The following LRP1B variants were observed in gnomAD, a reference collection of about 807,000 sequenced individuals.
LRP1B encodes low-density lipoprotein receptor-related protein 1B.
Under a neutral mutation model 556.6 loss-of-function variants are expected in LRP1B, and 217 were observed. That is an observed-to-expected ratio of 0.39 (90% CI 0.35 to 0.44). The LOEUF is 0.44. LRP1B is among the 20% of genes least tolerant of loss of function. The pLI, the probability that LRP1B is intolerant of heterozygous loss-of-function variation, is 1.00. For missense variants in LRP1B, 5,053 were observed against 5,620.8 expected (o/e 0.90, Z 3.23); for synonymous variants, 2,047 against 1,865.8 (o/e 1.10, Z -2.50).
At chr2:142,127,994 T>A (rs575131176) in intron 1 of LRP1B, among the ~76,000 whole-genome samples, 2 of 152,144 alleles carry the variant, frequency 1.3e-5, no homozygotes, top group African/African-American at 2.4e-5. Context: ...TTTTGGCTGT[T>A]AAGAGTTACA....
chr2:140,279,925 A>G (rs1682846534), intron 84 of LRP1B, among the ~76,000 whole-genome samples: 1 of 151,886 alleles, frequency 6.6e-6, no homozygotes, highest in Admixed American at 6.6e-5. Flanking sequence ...AGATAGATAC[A>G]TATTTTCTTA....
intron 7 of LRP1B, among the ~76,000 whole-genome samples, chr2:141,143,097 T>C (rs934458584): frequency 6.6e-6 from 1 of 151,772 alleles, no homozygotes; most frequent in South Asian, 2.1e-4. Flanking sequence ...CCTGGCTAAT[T>C]TTTTTGTATT....
intron 2 of LRP1B, among the ~76,000 whole-genome samples, chr2:141,496,931 C>T (rs1683530747): frequency 6.6e-6 from 1 of 151,984 alleles, no homozygotes; most frequent in South Asian, 2.1e-4. Flanking sequence ...CATGAAAGTA[C>T]AAATGATCTG....
intron 1 of LRP1B, among the ~76,000 whole-genome samples, chr2:142,018,787 C>CT (rs562470957): frequency 0.022 from 3,172 of 145,680 alleles, 105 homozygotes; most frequent in African/African-American, 0.071. Flanking sequence ...CTGACTTACG[C>CT]TTTTTTTTTT....
intron 1 of LRP1B, among the ~76,000 whole-genome samples, chr2:141,917,246 T>C (rs1700061845): frequency 6.6e-6 from 1 of 152,152 alleles, no homozygotes; most frequent in Admixed American, 6.5e-5. Context: ...TAGGGTAAAG[T>C]GATGAAATTC....
chr2:141,521,718 C>T (rs1009200050), intron 2 of LRP1B, among the ~76,000 whole-genome samples: 1 of 151,968 alleles, frequency 6.6e-6, no homozygotes, highest in Non-Finnish European at 1.5e-5. Flanking sequence ...AGAAAATTAA[C>T]ATTTAGTGAA....
intron 35 of LRP1B, among the ~76,000 whole-genome samples, chr2:140,764,183 G>A (rs1441938044): frequency 6.6e-6 from 1 of 152,068 alleles, no homozygotes; most frequent in Non-Finnish European, 1.5e-5. Flanking sequence ...AAAAGAGAGA[G>A]ACTCATTTGA....
At chr2:141,125,539 T>C (rs1386573799) in intron 7 of LRP1B, among the ~76,000 whole-genome samples, 1 of 152,144 alleles carries the variant, frequency 6.6e-6, no homozygotes, top group African/African-American at 2.4e-5. Context: ...TTTTACCAGG[T>C]AGCCAGAACA....
At chr2:140,468,983 T>C (rs1273396803) in intron 60 of LRP1B, among the ~76,000 whole-genome samples, 2 of 152,214 alleles carry the variant, frequency 1.3e-5, no homozygotes, top group Non-Finnish European at 2.9e-5. Flanking sequence ...GTTTCACTCA[T>C]ATCTGATTTA....
In LRP1B at chr2:140,303,788, CCTA is replaced by C. The variant is rs528885764; in HGVS notation, c.12806-5822_12806-5820del. On this transcript the variant is annotated intron_variant, in intron 83 of 90. Coordinates refer to ENST00000389484, the MANE Select transcript of LRP1B (RefSeq NM_018557.3). ...CTCGTCATTTACATTAGGTATATCT[CCTA>C]ATCCTATCCCTCCCCCCCTCCTCCC... 6.3e-5 allele frequency among the ~76,000 whole-genome samples: 9 copies of C among 143,800 alleles called. No individual in the cohort carries two copies. The East Asian group carries it at 1.8e-3, about 29-fold the overall frequency. The allele number at this position is 143,800 out of a possible 152,430, so 94.3% of individuals were successfully genotyped here.
At chr2:140,553,199 A>G (rs929147265) in intron 43 of LRP1B, among the ~76,000 whole-genome samples, 3 of 152,096 alleles carry the variant, frequency 2.0e-5, no homozygotes, top group Admixed American at 2.0e-4. Flanking sequence ...ACTGATTTCA[A>G]AGAAATGTGG....
At chr2:140,502,309 T>C (rs772780091) in intron 54 of LRP1B, among the ~76,000 whole-genome samples, 4 of 151,984 alleles carry the variant, frequency 2.6e-5, no homozygotes, top group Non-Finnish European at 5.9e-5. Context: ...AAATATAACA[T>C]TGACATTTTG....
chr2:140,426,534 A>T (rs1278914282), intron 66 of LRP1B, among the ~76,000 whole-genome samples: 2 of 152,008 alleles, frequency 1.3e-5, no homozygotes, highest in African/African-American at 4.8e-5. Flanking sequence ...AACTGATGAC[A>T]TTATCTTCTG....
At chr2:141,031,251 T>TCACACACACACACACA (rs72098612) in intron 11 of LRP1B, among the ~76,000 whole-genome samples, 1 of 121,556 alleles carries the variant, frequency 8.2e-6, no homozygotes, top group Admixed American at 8.9e-5. Context: ...TATATACATA[T>TCACACACACACACACA]CACACACACA....
chr2:140,503,233 C>T, intron 53 of LRP1B, 130 bp from the exon 54 acceptor site: 1 of 826,632 alleles, frequency 1.2e-6, no homozygotes, highest in Non-Finnish European at 1.8e-6. Flanking sequence ...TTTCTCATTT[C>T]TTTCTGTAAC....
At chr2:140,593,238 G>T (rs1358073773) in intron 43 of LRP1B, among the ~76,000 whole-genome samples, 1 of 152,124 alleles carries the variant, frequency 6.6e-6, no homozygotes, top group Non-Finnish European at 1.5e-5. Flanking sequence ...TTAAAAGAAT[G>T]TCAGTGGTAA....
intron 1 of LRP1B, among the ~76,000 whole-genome samples, chr2:142,105,247 A>G (rs1255727763): frequency 6.6e-6 from 1 of 152,170 alleles, no homozygotes; most frequent in African/African-American, 2.4e-5. Flanking sequence ...GAAAACCATT[A>G]AAGAGTTTTA....
At position 140,596,937 on chromosome 2, in the gene LRP1B, C is replaced by A. The variant is rs563520263; in HGVS notation, c.7194+1694G>T. Among the ~76,000 whole-genome samples, 6 of 152,092 alleles carry A rather than the reference C, an allele frequency of 3.9e-5. No homozygotes were observed. The East Asian group carries it at 1.2e-3, about 29-fold the overall frequency. ...GCAATCAGTGATTTAGCTAGTAGGG[C>A]GATTAGTAAATTGATACAGTCTGAA... On this transcript the variant is annotated intron_variant, in intron 43 of 90. Coordinates refer to ENST00000389484, the MANE Select transcript of LRP1B (RefSeq NM_018557.3).
intron 1 of LRP1B, among the ~76,000 whole-genome samples, chr2:141,891,341 G>T (rs555544048): frequency 5.3e-4 from 81 of 152,046 alleles, no homozygotes; most frequent in Admixed American, 1.8e-3. Flanking sequence ...TTAAGCAAGG[G>T]GTGTATGTAA....
Sources: allele counts gnomAD v4.1 joint callset (sites outside exome capture counted in the v4.1 genomes callset), GRCh38; gene constraint gnomAD v4.1.1; transcripts MANE v1.5; gene names NCBI Gene and HGNC (gene_info 2026-07-23, HGNC 2026-07-21).